BABAM2: variants seen among roughly 807,000 people sequenced by gnomAD.
The protein encoded by BABAM2 is BRISC and BRCA1-A complex member 2.
BABAM2 carries 31 observed loss-of-function variants against 54.7 expected under a neutral mutation model. The ratio of observed to expected loss-of-function variants is 0.57; its 90% CI spans 0.43 to 0.77. The LOEUF is 0.77. Among genes scored for constraint, BABAM2 ranks in the 30% least tolerant of loss-of-function variants. The pLI is 0.00. For missense variants in BABAM2, 364 were observed against 455.8 expected, an observed-to-expected ratio of 0.80 and a Z score of 1.83; for synonymous variants, 167 against 162.9, an observed-to-expected ratio of 1.03 and a Z score of -0.19.
rs867356334 is a variant in BABAM2 at position 27,992,865 on chromosome 2, T to C, written c.300+4778T>C. The stretch of plus-strand genomic sequence containing the variant: ...GGGCCTTTTCATTTGCTATTGACCA[T>C]TTTTTATTTACTCTACCTGTAACCC... On this transcript the variant is annotated intron_variant, in intron 4 of 11. Coordinates refer to ENST00000379624, the MANE Select transcript of BABAM2 (RefSeq NM_199191.3). Among the ~76,000 whole-genome samples, 4 of 152,192 alleles carry C rather than the reference T, an allele frequency of 2.6e-5. No individual in the cohort carries two copies. The South Asian group carries it at 8.3e-4, about 32-fold the overall frequency.
intron 3 of BABAM2, among the ~76,000 whole-genome samples, chr2:27,976,649 A>C (rs1266797478): frequency 6.6e-6 from 1 of 152,146 alleles, no homozygotes; most frequent in South Asian, 2.1e-4. Context: ...GTTTACACAA[A>C]TCTCTGCATG....
chr2:28,304,797 G>T lies in BABAM2; in HGVS notation c.1088+6306G>T, dbSNP rs1232467370. Among the ~76,000 whole-genome samples, 4 of 151,904 alleles carry T rather than the reference G, an allele frequency of 2.6e-5. No individual in the cohort carries two copies. Among genetic ancestry groups the T allele is most frequent in the Middle Eastern group, 3.2e-3 (1 of 316 alleles). On this transcript the variant is annotated intron_variant, in intron 11 of 11. Transcript: ENST00000379624. This position sits in a 1 kb window ranked among gnomAD's most constrained non-coding sequence, Gnocchi z 4.0. ...GAGTTTTACCATGTTGCCCAGGCTGGTCTCGAACTCCTGAGCACAGGCAAT... is the reference window on the plus strand; with the variant it reads ...GAGTTTTACCATGTTGCCCAGGCTGTTCTCGAACTCCTGAGCACAGGCAAT...
intron 7 of BABAM2, among the ~76,000 whole-genome samples, chr2:28,161,827 A>G (rs148959929): frequency 7.9e-5 from 12 of 152,308 alleles, no homozygotes; most frequent in Non-Finnish European, 1.5e-4. Context: ...TGAGTGAGGT[A>G]CTATTTTCAT....
intron 3 of BABAM2, among the ~76,000 whole-genome samples, chr2:27,966,300 G>GGAA (rs1453775488): frequency 6.6e-6 from 1 of 152,164 alleles, no homozygotes; most frequent in African/African-American, 2.4e-5. Context: ...GGTTCCTTTA[G>GGAA]GAAGGATAGG....
intron 2 of BABAM2, among the ~76,000 whole-genome samples, chr2:27,903,300 T>G (rs1191860614): frequency 1.3e-5 from 2 of 152,144 alleles, no homozygotes; most frequent in Admixed American, 1.3e-4. Context: ...TAGGACAAAT[T>G]CCCCCCTTCC....
intron 10 of BABAM2, among the ~76,000 whole-genome samples, chr2:28,276,868 T>C (rs1032719839): frequency 6.6e-6 from 1 of 152,216 alleles, no homozygotes; most frequent in African/African-American, 2.4e-5. Flanking sequence ...TATTCTCATA[T>C]TTTTAGTAAA....
At chr2:28,288,222 C>T (rs188215591) in intron 10 of BABAM2, among the ~76,000 whole-genome samples, 44 of 152,202 alleles carry the variant, frequency 2.9e-4, no homozygotes, top group African/African-American at 9.1e-4. Flanking sequence ...CTGACACCAG[C>T]GTCTGCTTCC....
At chr2:28,135,566 A>G (rs1317487333) in intron 7 of BABAM2, among the ~76,000 whole-genome samples, 5 of 152,110 alleles carry the variant, frequency 3.3e-5, no homozygotes, top group African/African-American at 1.2e-4. Context: ...TTCTCTAACC[A>G]CTAGATAGAC....
intron 7 of BABAM2, among the ~76,000 whole-genome samples, chr2:28,168,157 G>C (rs562624545): frequency 6.6e-6 from 1 of 152,310 alleles, no homozygotes; most frequent in East Asian, 1.9e-4. Context: ...CCGTGGTCTA[G>C]ACGTAGAAGC....
intron 4 of BABAM2, among the ~76,000 whole-genome samples, chr2:28,001,997 A>T (rs1373751541): frequency 6.6e-6 from 1 of 151,688 alleles, no homozygotes; most frequent in Non-Finnish European, 1.5e-5. Context: ...AGGCAATCAC[A>T]TGATGAATTG....
rs528115121 is a variant in BABAM2, at chr2:28,053,225, T to C, written c.570+7426T>C. Among the ~76,000 whole-genome samples the C allele has an allele frequency of 2.0e-5, 3 of 152,342 alleles. No homozygotes were observed. The East Asian group carries it at 5.8e-4, about 29-fold the overall frequency. On this transcript the variant is annotated intron_variant, in intron 6 of 11. Coordinates refer to ENST00000379624, the MANE Select transcript of BABAM2 (RefSeq NM_199191.3). ...CACAGATTAAATAACTCCTCTGAAT[T>C]TGAGACTTTTAAGTTCAGGGAATTT...
At chr2:28,000,548 A>T (rs891146281) in intron 4 of BABAM2, among the ~76,000 whole-genome samples, 1 of 151,676 alleles carries the variant, frequency 6.6e-6, no homozygotes. Context: ...CTGTAAAGCT[A>T]CTCTTTCTTT....
chr2:28,053,776 C>G (rs1395324), intron 6 of BABAM2, among the ~76,000 whole-genome samples: 99,417 of 151,950 alleles, frequency 0.65, 34,216 homozygotes, highest in Middle Eastern at 0.8. Flanking sequence ...AAATTTTAGA[C>G]TTGTGTGCCA....
At chr2:28,076,400 A>G (rs6737313) in intron 6 of BABAM2, among the ~76,000 whole-genome samples, 92,755 of 151,904 alleles carry the variant, frequency 0.61, 30,349 homozygotes, top group Middle Eastern at 0.77. Flanking sequence ...CAGTAATTCA[A>G]CATATACTGT....
intron 10 of BABAM2, among the ~76,000 whole-genome samples, chr2:28,267,710 G>A (rs1007494311): frequency 1.3e-5 from 2 of 152,218 alleles, no homozygotes; most frequent in South Asian, 4.1e-4. Flanking sequence ...CTTCAGGCCA[G>A]CATGGCAGGG....
chr2:27,975,140 CTAAT>C (rs1209798204), intron 3 of BABAM2, among the ~76,000 whole-genome samples: 2 of 151,908 alleles, frequency 1.3e-5, no homozygotes, highest in African/African-American at 4.8e-5. Flanking sequence ...GATGTTTTCC[CTAAT>C]TAGTTTTAAT....
intron 2 of BABAM2, among the ~76,000 whole-genome samples, chr2:27,918,107 T>A (rs1041847211): frequency 2.0e-5 from 3 of 152,234 alleles, no homozygotes; most frequent in Non-Finnish European, 4.4e-5. Flanking sequence ...GTAAAATACA[T>A]GTAACATAAA....
chr2:28,054,225 T>C (rs1409143829), intron 6 of BABAM2, among the ~76,000 whole-genome samples: 3 of 152,050 alleles, frequency 2.0e-5, no homozygotes, highest in African/African-American at 7.2e-5. Flanking sequence ...TGAGTGTCCG[T>C]GGTTTTTATA....
intron 6 of BABAM2, among the ~76,000 whole-genome samples, chr2:28,110,146 AT>A (rs1485841956): frequency 1.3e-5 from 2 of 152,052 alleles, no homozygotes; most frequent in African/African-American, 4.8e-5. Context: ...TGACTGGCTA[AT>A]TTAGTTAGTA....
Sources: allele counts gnomAD v4.1 joint callset (sites outside exome capture counted in the v4.1 genomes callset), GRCh38; gene constraint gnomAD v4.1.1; non-coding constraint Gnocchi (gnomAD v3.1); transcripts MANE v1.5; gene names NCBI Gene and HGNC (gene_info 2026-07-23, HGNC 2026-07-21).